HDLBP: variants seen among roughly 807,000 people sequenced by gnomAD.
HDLBP encodes the protein vigilin.
HDLBP carries 30 observed loss-of-function variants against 137.3 expected under a neutral mutation model. That is an observed-to-expected ratio of 0.22 (90% CI 0.16 to 0.30). The LOEUF (loss-of-function observed/expected upper bound fraction) is 0.30. Ranked by LOEUF, HDLBP falls within the 10% of genes least tolerant of loss-of-function variation. The pLI, the probability that HDLBP is intolerant of heterozygous loss-of-function variation, is 1.00. For synonymous variants in HDLBP, 606 were observed against 596.0 expected (o/e 1.02, Z -0.24); for missense variants, 1,119 against 1,667.3 (o/e 0.67, Z 5.73).
intron 1 of HDLBP, among the ~76,000 whole-genome samples, chr2:241,305,451 G>A (rs544024891): frequency 7.9e-5 from 12 of 152,114 alleles, no homozygotes; most frequent in Middle Eastern, 3.4e-3. Context: ...CCAAAAAAAC[G>A]GGGCCTGTGA....
chr2:241,241,572 A>AC, intron 17 of HDLBP, among the ~76,000 whole-genome samples: 1 of 82,686 alleles, frequency 1.2e-5, no homozygotes, highest in Non-Finnish European at 2.7e-5. Flanking sequence ...GTCTCAAAAA[A>AC]AAAAAAAAAA....
intron 24 of HDLBP, among the ~76,000 whole-genome samples, chr2:241,232,808 A>C (rs975314443): frequency 7.2e-5 from 11 of 152,000 alleles, no homozygotes; most frequent in African/African-American, 1.4e-4. Flanking sequence ...GACAAAGACT[A>C]TCTCTCTCAA....
chr2:241,306,102 T>A (rs1334621590), intron 1 of HDLBP, among the ~76,000 whole-genome samples: 1 of 151,850 alleles, frequency 6.6e-6, no homozygotes, highest in Non-Finnish European at 1.5e-5. Context: ...ATTCATGGAT[T>A]CTTAAACGTG....
At chr2:241,273,777 G>C in intron 1 of HDLBP, 1 of 522,116 alleles carries the variant, frequency 1.9e-6, no homozygotes, top group Non-Finnish European at 2.5e-6. Context: ...ACAGCCTGCA[G>C]CCAGGCCACG....
Position 241,240,117 on chromosome 2 carries a change from G to T in HDLBP, c.2175C>A (p.Thr725=). 6.2e-7 allele frequency: 1 copy of T among 1,614,112 alleles called. No individual in the cohort carries two copies. Among genetic ancestry groups the T allele is most frequent in the South Asian group, 1.1e-5 (1 of 91,062 alleles). Residue 725 remains threonine (T), a synonymous_variant, in exon 18 of 28, where the codon ACC becomes ACA. Coordinates refer to ENST00000310931, the MANE Select transcript of HDLBP (RefSeq NM_005336.6). The surrounding 1 kb of genome is among the most constrained non-coding windows in gnomAD (Gnocchi z 5.5). ...CGCGGATGTCAACAGTGAAACTCTTGGTTTGCTGCAGAAACCAATCCCACT... is the reference window on the plus strand; with the variant it reads ...CGCGGATGTCAACAGTGAAACTCTTTGTTTGCTGCAGAAACCAATCCCACT... ...QLLHLAEEKQ[T]KSFTVDIRAK...
chr2:241,229,784 GCC>G, intron 27 of HDLBP, 47 bp downstream of exon 27: 15 of 1,502,514 alleles, frequency 1.0e-5, no homozygotes, highest in Non-Finnish European at 1.3e-5. Flanking sequence ...AAGCCCGCCT[GCC>G]CGCCCACCCT....
At chr2:241,232,096 C>A (rs1574834099) in intron 24 of HDLBP, among the ~76,000 whole-genome samples, 1 of 152,126 alleles carries the variant, frequency 6.6e-6, no homozygotes, top group African/African-American at 2.4e-5. Context: ...AGGCAGCAGC[C>A]CCACCCACCG....
At chr2:241,259,998 T>G (rs2073025560) in intron 5 of HDLBP, among the ~76,000 whole-genome samples, 2 of 150,484 alleles carry the variant, frequency 1.3e-5, no homozygotes, top group African/African-American at 4.9e-5. Flanking sequence ...TAAGAAGTTA[T>G]TTATTTATTT....
chr2:241,259,503 G>T (rs1440645459), intron 5 of HDLBP, among the ~76,000 whole-genome samples: 4 of 143,708 alleles, frequency 2.8e-5, no homozygotes, highest in Admixed American at 6.9e-5. Flanking sequence ...TTGAACTCAT[G>T]ATTTTCCTTT....
intron 20 of HDLBP, among the ~76,000 whole-genome samples, chr2:241,236,992 G>A (rs914528592): frequency 2.3e-4 from 33 of 140,724 alleles, no homozygotes; most frequent in Non-Finnish European, 3.0e-4. Flanking sequence ...GGGGGGGGGG[G>A]GGCGGCAATG....
rs190357200 is a variant in HDLBP at position 241,298,903 on chromosome 2, G to A, written c.-103+16667C>T. ...TCAGGCAGAGGAACCATTCCAGTTT[G>A]AAAGAGACTAAAGAGATCTGACAAT... On this transcript the variant is annotated intron_variant, in intron 1 of 27. Coordinates refer to ENST00000310931, the MANE Select transcript of HDLBP (RefSeq NM_005336.6). Among the ~76,000 whole-genome samples, 578 of 152,316 alleles carry A rather than the reference G, an allele frequency of 3.8e-3. 1 individual carries two copies. Among genetic ancestry groups the A allele is most frequent in the Non-Finnish European group, 6.4e-3 (433 of 68,020 alleles).
At position 241,253,491 on chromosome 2, in the gene HDLBP, T is replaced by C. The variant is rs940546201; in HGVS notation, c.1195A>G (p.Ile399Val). ...TTGTCTTCGCCCTCTGTGAACTCGA[T>C]GTGAACCTACCACACCAAAACCAAA... ...KITQQMPKVH[I>V]EFTEGEDKIT... The change falls in exon 10 of 28, where the codon ATC becomes GTC. Residue 399 changes from isoleucine (I) to valine (V), a missense_variant. By Grantham distance (29) the Ile-to-Val change is conservative. Transcript: ENST00000310931. 3.1e-6 allele frequency: 5 copies of C among 1,611,276 alleles called. No individual in the cohort carries two copies. The highest frequency in any genetic ancestry group is 4.2e-6 in the Non-Finnish European group (5 of 1,177,498).
In HDLBP at chr2:241,238,859, C is replaced by G; in HGVS notation, c.2611-72G>C. On this transcript the variant is annotated intron_variant, in intron 19 of 27. Coordinates refer to ENST00000310931, the MANE Select transcript of HDLBP (RefSeq NM_005336.6). The surrounding 1 kb of genome is among the most constrained non-coding windows in gnomAD (Gnocchi z 4.9). ...TCCTTAGGGCAAGTTTTACAGCACT[C>G]TTCACACCACCTTCCTCCCTGTCCT... 1 of 1,253,144 alleles carries G rather than the reference C, an allele frequency of 8.0e-7. No homozygotes were observed. Among genetic ancestry groups the G allele is most frequent in the Non-Finnish European group, 1.1e-6 (1 of 916,264 alleles). 77.6% of individuals were successfully genotyped at this position (1,253,144 alleles called of 1,614,324 possible).
chr2:241,258,011 C>T (rs553218607), intron 5 of HDLBP, among the ~76,000 whole-genome samples: 4 of 152,026 alleles, frequency 2.6e-5, no homozygotes, highest in South Asian at 4.2e-4. Flanking sequence ...CCCAGCACTC[C>T]GGGAAGCCGA....
At chr2:241,311,308 A>G (rs1445958966) in intron 1 of HDLBP, among the ~76,000 whole-genome samples, 8 of 152,226 alleles carry the variant, frequency 5.3e-5, no homozygotes, top group Admixed American at 4.6e-4. Flanking sequence ...ATTCCTACTC[A>G]GGATAAGAGC....
At chr2:241,301,118 A>G (rs565692083) in intron 1 of HDLBP, among the ~76,000 whole-genome samples, 22 of 149,894 alleles carry the variant, frequency 1.5e-4, no homozygotes, top group Non-Finnish European at 2.7e-4. Flanking sequence ...CTGGGACTAC[A>G]GGCGCCCGCC....
chr2:241,244,866 C>T (rs1387142085), intron 16 of HDLBP, among the ~76,000 whole-genome samples: 1 of 152,066 alleles, frequency 6.6e-6, no homozygotes, highest in African/African-American at 2.4e-5. Flanking sequence ...CATATAAAAT[C>T]ATGACATCAT....
chr2:241,229,783 T>TTGGGG, intron 27 of HDLBP, 50 bp downstream of exon 27: 3 of 1,524,630 alleles, frequency 2.0e-6, no homozygotes, highest in Non-Finnish European at 2.7e-6. Flanking sequence ...CAAGCCCGCC[T>TTGGGG]GCCCGCCCAC....
At chr2:241,302,274 C>A (rs545448232) in intron 1 of HDLBP, among the ~76,000 whole-genome samples, 1 of 152,006 alleles carries the variant, frequency 6.6e-6, no homozygotes, top group African/African-American at 2.4e-5. Context: ...AAACTAGAGG[C>A]CAGGTTAGGT....
Sources: allele counts gnomAD v4.1 joint callset (sites outside exome capture counted in the v4.1 genomes callset), GRCh38; gene constraint gnomAD v4.1.1; non-coding constraint Gnocchi (gnomAD v3.1); transcripts MANE v1.5; gene names NCBI Gene and HGNC (gene_info 2026-07-23, HGNC 2026-07-21).